RIMS1: variants seen among roughly 807,000 people sequenced by gnomAD.
The protein encoded by RIMS1 is regulating synaptic membrane exocytosis protein 1.
Under a neutral mutation model 214.1 loss-of-function variants are expected in RIMS1, and 83 were observed. The observed-to-expected ratio is 0.39, with a 90% CI of 0.32 to 0.47. The LOEUF (loss-of-function observed/expected upper bound fraction) is 0.47. Ranked by LOEUF, RIMS1 falls within the 20% of genes least tolerant of loss-of-function variation. RIMS1 has a pLI of 0.99. For missense variants in RIMS1, 2,050 were observed against 2,161.8 expected (o/e 0.95, Z 1.03); for synonymous variants, 793 against 786.8 (o/e 1.01, Z -0.13).
chr6:72,393,547 A>T (rs1364464267), intron 31 of RIMS1, among the ~76,000 whole-genome samples: 4 of 151,756 alleles, frequency 2.6e-5, no homozygotes, highest in Admixed American at 6.6e-5. Context: ...ACACGGTGAA[A>T]CCCCCGTCTC....
chr6:72,215,749 CAG>C (rs1317944483), intron 6 of RIMS1, among the ~76,000 whole-genome samples: 12 of 148,754 alleles, frequency 8.1e-5, no homozygotes, highest in African/African-American at 2.9e-4. Context: ...AAAAAGCAAA[CAG>C]ATTCTGAGTG....
chr6:72,110,335 C>T (rs1490719197), intron 4 of RIMS1, among the ~76,000 whole-genome samples: 1 of 152,160 alleles, frequency 6.6e-6, no homozygotes, highest in East Asian at 1.9e-4. Context: ...TTCCCATGAG[C>T]ATGGAATGTT....
intron 29 of RIMS1, among the ~76,000 whole-genome samples, chr6:72,360,160 CTGAG>C (rs1271257180): frequency 4.6e-5 from 7 of 152,194 alleles, no homozygotes; most frequent in Admixed American, 6.5e-5. Context: ...TGCTTACTCA[CTGAG>C]TGACTCCTGC....
chr6:72,206,650 A>C lies in RIMS1; in HGVS notation c.1678+23501A>C, dbSNP rs539218545. On this transcript the variant is annotated intron_variant, in intron 6 of 33. Coordinates refer to ENST00000521978, the MANE Select transcript of RIMS1 (RefSeq NM_014989.7). ...TTCTTGAATGATATTCTAGTTGCGT[A>C]TATAGCATAGACTTTTTTCTTCCAT... is the stretch of plus-strand genomic sequence containing the variant. Among the ~76,000 whole-genome samples, 7 of 152,332 alleles carry C rather than the reference A, an allele frequency of 4.6e-5. No individual in the cohort carries two copies. The South Asian group carries it at 1.5e-3, about 32-fold the overall frequency.
At chr6:71,894,326 A>G (rs367585360) in intron 1 of RIMS1, among the ~76,000 whole-genome samples, 17 of 152,202 alleles carry the variant, frequency 1.1e-4, no homozygotes, top group African/African-American at 3.9e-4. Flanking sequence ...TGCACCTGTA[A>G]TCCCAGGTAC....
At position 71,928,722 on chromosome 6, in the gene RIMS1, C is replaced by T. The variant is rs181692759; in HGVS notation, c.165-40261C>T. On this transcript the variant is annotated intron_variant, in intron 1 of 33. Coordinates refer to ENST00000521978, the MANE Select transcript of RIMS1 (RefSeq NM_014989.7). ...ATACAGCTGTGTTTCTCAATCTTGA[C>T]TGCATATTAGATTTTAAAAGTCTAG... Among the ~76,000 whole-genome samples, 8 of 152,148 alleles carry T rather than the reference C, an allele frequency of 5.3e-5. No homozygotes were observed. The East Asian group carries it at 1.5e-3, about 29-fold the overall frequency.
intron 1 of RIMS1, among the ~76,000 whole-genome samples, chr6:71,942,414 T>C (rs1390839882): frequency 6.6e-6 from 1 of 152,202 alleles, no homozygotes; most frequent in Non-Finnish European, 1.5e-5. Context: ...TCATTTTCCT[T>C]GGTTTATATA....
At position 72,293,517 on chromosome 6, in the gene RIMS1, T is replaced by TG. The variant is rs541080159; in HGVS notation, c.3850+1474dup. 1.4e-3 allele frequency among the ~76,000 whole-genome samples: 210 copies of TG among 152,008 alleles called. 1 individual carries two copies. The highest frequency in any genetic ancestry group is 4.9e-3 in the African/African-American group (205 of 41,554). On this transcript the variant is annotated intron_variant, in intron 26 of 33. Coordinates refer to ENST00000521978, the MANE Select transcript of RIMS1 (RefSeq NM_014989.7). ...TGCACAACTGAAAGAACTACAAATGTGGGTGTTTAGTTACAAACTCGGTCT... is the reference window on the plus strand; with the variant it reads ...TGCACAACTGAAAGAACTACAAATGTGGGGTGTTTAGTTACAAACTCGGTCT...
intron 2 of RIMS1, among the ~76,000 whole-genome samples, chr6:72,087,976 A>T (rs371314258): frequency 1.3e-5 from 2 of 152,196 alleles, no homozygotes; most frequent in Non-Finnish European, 2.9e-5. Context: ...GCTGTTAATT[A>T]TCAGTACCCT....
At chr6:72,387,670 G>A (rs1019252262) in intron 29 of RIMS1, among the ~76,000 whole-genome samples, 2 of 152,208 alleles carry the variant, frequency 1.3e-5, no homozygotes, top group Non-Finnish European at 2.9e-5. Flanking sequence ...AAGGGGATAG[G>A]AAGAGAATTC....
intron 19 of RIMS1, chr6:72,261,856 A>G (rs2078178563): frequency 6.1e-6 from 6 of 985,104 alleles, no homozygotes; most frequent in Non-Finnish European, 7.2e-6. Flanking sequence ...TCGAGGAAAT[A>G]TTAGTTCTGC....
intron 29 of RIMS1, among the ~76,000 whole-genome samples, chr6:72,380,158 A>G (rs1233316712): frequency 5.9e-5 from 9 of 152,152 alleles, no homozygotes; most frequent in Admixed American, 5.2e-4. Context: ...TAGAAAACCA[A>G]ACACCGCATG....
At chr6:72,365,007 T>A (rs76675192) in intron 29 of RIMS1, among the ~76,000 whole-genome samples, 1,932 of 152,328 alleles carry the variant, frequency 0.013, 23 homozygotes, top group African/African-American at 0.03. Context: ...AGTGAATGTC[T>A]ACGGGGCATA....
rs369826167 is a variant in RIMS1 at position 72,286,716 on chromosome 6, C to T, written c.3554+2598C>T. Reference sequence around the variant, plus strand: ...GATACCTTGAATTTACATCTAGCTACACGTGAACCGAAGACACAGTATAAA... The same window carrying T: ...GATACCTTGAATTTACATCTAGCTATACGTGAACCGAAGACACAGTATAAA... On this transcript the variant is annotated intron_variant, in intron 24 of 33. Coordinates refer to ENST00000521978, the MANE Select transcript of RIMS1 (RefSeq NM_014989.7). Among the ~76,000 whole-genome samples the T allele has an allele frequency of 2.0e-5, 3 of 152,108 alleles. No individual in the cohort carries two copies. The East Asian group carries it at 5.8e-4, about 29-fold the overall frequency.
At chr6:72,350,460 CTG>C (rs1204265278) in intron 29 of RIMS1, among the ~76,000 whole-genome samples, 1 of 152,076 alleles carries the variant, frequency 6.6e-6, no homozygotes, top group Non-Finnish European at 1.5e-5. Flanking sequence ...AGGCCTCTGT[CTG>C]TGCTTTTCTT....
intron 29 of RIMS1, among the ~76,000 whole-genome samples, chr6:72,371,418 G>A (rs1425365277): frequency 6.6e-6 from 1 of 152,142 alleles, no homozygotes; most frequent in African/African-American, 2.4e-5. Flanking sequence ...CTGTCATCCT[G>A]TTTTTCTTTC....
intron 4 of RIMS1, among the ~76,000 whole-genome samples, chr6:72,174,540 GA>G (rs2047455474): frequency 6.6e-6 from 1 of 151,954 alleles, no homozygotes; most frequent in Admixed American, 6.6e-5. Flanking sequence ...CCATAAATAT[GA>G]AAAAAAGTTT....
chr6:72,046,345 G>A (rs999137537), intron 2 of RIMS1, among the ~76,000 whole-genome samples: 1 of 152,030 alleles, frequency 6.6e-6, no homozygotes, highest in African/African-American at 2.4e-5. Flanking sequence ...TTGGGGGAAG[G>A]TGTTGACATG....
intron 29 of RIMS1, among the ~76,000 whole-genome samples, chr6:72,373,791 A>G (rs1209499733): frequency 6.6e-6 from 1 of 152,146 alleles, no homozygotes; most frequent in African/African-American, 2.4e-5. Flanking sequence ...GTAAACCTTA[A>G]TCCACCAGAT....
Sources: allele counts gnomAD v4.1 joint callset (sites outside exome capture counted in the v4.1 genomes callset), GRCh38; gene constraint gnomAD v4.1.1; transcripts MANE v1.5; gene names NCBI Gene and HGNC (gene_info 2026-07-23, HGNC 2026-07-21).